UTRN: variants seen among roughly 807,000 people sequenced by gnomAD.
UTRN encodes dystrophin-related protein 1.
In UTRN, 283 loss-of-function variants were observed where a neutral mutation model predicts 463.9. The ratio of observed to expected loss-of-function variants is 0.61; its 90% CI spans 0.55 to 0.67. The LOEUF (loss-of-function observed/expected upper bound fraction) is 0.67. Among genes scored for constraint, UTRN ranks in the 30% least tolerant of loss-of-function variants. The probability of loss-of-function intolerance (pLI) is 0.00; values close to 1 mark genes in which losing one functional copy is unlikely to be tolerated. For missense variants in UTRN, 3,922 were observed against 4,084.3 expected (o/e 0.96, Z 1.08); for synonymous variants, 1,442 against 1,431.5 (o/e 1.01, Z -0.17).
chr6:144,534,270 G>A (rs1215943467), intron 43 of UTRN, among the ~76,000 whole-genome samples: 2 of 152,142 alleles, frequency 1.3e-5, no homozygotes, highest in Admixed American at 6.5e-5. Flanking sequence ...ACATTGCCTT[G>A]TTTAGGAGTC....
At chr6:144,828,902 T>A (rs1780423451) in intron 69 of UTRN, 47 bp downstream of exon 69, 1 of 1,593,436 alleles carries the variant, frequency 6.3e-7, no homozygotes, top group Non-Finnish European at 8.6e-7. Flanking sequence ...CTAGTTCTTG[T>A]ATTATGGCTG....
chr6:144,649,112 G>A (rs944949899), intron 51 of UTRN, among the ~76,000 whole-genome samples: 2 of 152,080 alleles, frequency 1.3e-5, no homozygotes, highest in African/African-American at 4.8e-5. Context: ...TTAATGCAGG[G>A]CTTTGAGTAG....
chr6:144,565,379 AT>A (rs1800311144), intron 50 of UTRN, among the ~76,000 whole-genome samples: 4 of 152,174 alleles, frequency 2.6e-5, no homozygotes, highest in African/African-American at 9.6e-5. Flanking sequence ...TGGACCTCAG[AT>A]ATGAATTGAG....
At chr6:144,523,694 A>G (rs1015178787) in intron 41 of UTRN, among the ~76,000 whole-genome samples, 1 of 152,350 alleles carries the variant, frequency 6.6e-6, no homozygotes, top group South Asian at 2.1e-4. Context: ...TTATAACATA[A>G]TATCTTAATG....
At chr6:144,664,471 C>CTT (rs11446896) in intron 51 of UTRN, among the ~76,000 whole-genome samples, 10,214 of 141,188 alleles carry the variant, frequency 0.072, 507 homozygotes, top group Non-Finnish European at 0.099. Context: ...TGTTGTCTTA[C>CTT]TTTTTTTTTT....
intron 2 of UTRN, among the ~76,000 whole-genome samples, chr6:144,319,512 A>G (rs1344213766): frequency 6.6e-6 from 1 of 152,222 alleles, no homozygotes; most frequent in Non-Finnish European, 1.5e-5. Flanking sequence ...TTCTGGTAGA[A>G]TCTTATATAC....
intron 73 of UTRN, 32 bp downstream of exon 73, chr6:144,840,864 C>A (rs569631335): frequency 1.9e-6 from 3 of 1,610,784 alleles, no homozygotes; most frequent in East Asian, 2.2e-5. Flanking sequence ...ACCACAGCTG[C>A]ACGTGTTCCT....
At chr6:144,373,649 A>C (rs1016398813) in intron 2 of UTRN, among the ~76,000 whole-genome samples, 6 of 152,216 alleles carry the variant, frequency 3.9e-5, no homozygotes, top group Non-Finnish European at 8.8e-5. Flanking sequence ...ACATCCGTTA[A>C]ATCCGGATGG....
At chr6:144,435,118 A>G (rs1177889681) in intron 9 of UTRN, among the ~76,000 whole-genome samples, 2 of 152,202 alleles carry the variant, frequency 1.3e-5, no homozygotes, top group African/African-American at 4.8e-5. Flanking sequence ...GCTGTTAAAT[A>G]CTTGAGCATT....
At chr6:144,797,613 T>C (rs1777342850) in intron 63 of UTRN, 3 of 454,358 alleles carry the variant, frequency 6.6e-6, no homozygotes, top group Non-Finnish European at 1.1e-5. Flanking sequence ...TTTTTGCTTC[T>C]TCCTATGTGA....
In UTRN at chr6:144,441,865, G is replaced by A. The variant is rs377741951; in HGVS notation, c.1512+1394G>A. Among the ~76,000 whole-genome samples, 46 of 152,332 alleles carry A rather than the reference G, an allele frequency of 3.0e-4. 1 individual carries two copies. The East Asian group carries it at 3.5e-3, about 12-fold the overall frequency. ...TGTACCCGCAGGCTCAACACCACATGGAAGCTGCCAAGGCTTGTGGCTTGC... is the reference window on the plus strand; with the variant it reads ...TGTACCCGCAGGCTCAACACCACATAGAAGCTGCCAAGGCTTGTGGCTTGC... On this transcript the variant is annotated intron_variant, in intron 13 of 74. Coordinates refer to ENST00000367545, the MANE Select transcript of UTRN (RefSeq NM_007124.3).
intron 27 of UTRN, among the ~76,000 whole-genome samples, chr6:144,483,624 T>A (rs1792118308): frequency 6.6e-6 from 1 of 152,172 alleles, no homozygotes; most frequent in Non-Finnish European, 1.5e-5. Flanking sequence ...TTTTAAATTT[T>A]TTTTGTAGAG....
At chr6:144,761,595 A>G (rs1407251626) in intron 58 of UTRN, among the ~76,000 whole-genome samples, 2 of 152,114 alleles carry the variant, frequency 1.3e-5, no homozygotes, top group Non-Finnish European at 2.9e-5. Context: ...GCAGTGAGCC[A>G]TGATCACACC....
chr6:144,825,674 T>G (rs895827786), intron 66 of UTRN, among the ~76,000 whole-genome samples: 1 of 152,122 alleles, frequency 6.6e-6, no homozygotes, highest in Non-Finnish European at 1.5e-5. Flanking sequence ...ATACACACTT[T>G]TCTTCTATTT....
chr6:144,726,517 C>A (rs1204298951), intron 53 of UTRN, among the ~76,000 whole-genome samples: 2 of 152,046 alleles, frequency 1.3e-5, no homozygotes, highest in Non-Finnish European at 2.9e-5. Flanking sequence ...CCATGCTGAA[C>A]AAAAACAGAA....
intron 51 of UTRN, among the ~76,000 whole-genome samples, chr6:144,658,729 A>G (rs1482383924): frequency 1.3e-5 from 2 of 152,270 alleles, no homozygotes; most frequent in African/African-American, 4.8e-5. Context: ...TATACTGTAT[A>G]GCTATGTAAT....
chr6:144,438,620 A>G (rs975706164), intron 11 of UTRN, 125 bp from the exon 12 acceptor site: 107 of 1,210,964 alleles, frequency 8.8e-5, no homozygotes, highest in Non-Finnish European at 9.3e-6. Context: ...TAAAGACTAA[A>G]TGCTACCTTG....
chr6:144,580,924 AT>A (rs1382039579), intron 51 of UTRN, among the ~76,000 whole-genome samples: 1 of 152,216 alleles, frequency 6.6e-6, no homozygotes, highest in Admixed American at 6.5e-5. Context: ...AAAGGAGACA[AT>A]GGCAGGGGTA....
chr6:144,430,642 A>T (rs905396445), intron 9 of UTRN, among the ~76,000 whole-genome samples: 5 of 152,210 alleles, frequency 3.3e-5, no homozygotes, highest in African/African-American at 1.2e-4. Context: ...CTTCATAAAG[A>T]TAATGAATTC....
Sources: gnomAD v4.1 joint callset for allele counts (sites outside exome capture counted in the v4.1 genomes callset) on GRCh38, gnomAD v4.1.1 for gene constraint, MANE v1.5 for transcripts, NCBI Gene and HGNC (gene_info 2026-07-23, HGNC 2026-07-21) for gene names.